Variants in PCDHGA2 observed in about 807,000 individuals in gnomAD.
PCDHGA2 encodes protocadherin gamma subfamily A, 2.
In PCDHGA2, 40 loss-of-function variants were observed where a neutral mutation model predicts 59.2. The observed-to-expected ratio is 0.68, with a 90% confidence interval of 0.52 to 0.88. The LOEUF is 0.88. Among genes scored for constraint, PCDHGA2 ranks in the 40% least tolerant of loss-of-function variants. The probability of loss-of-function intolerance (pLI) is 0.00; values close to 1 mark genes in which losing one functional copy is unlikely to be tolerated. For missense variants in PCDHGA2, 1,226 were observed against 1,204.0 expected (o/e 1.02, Z -0.27); for synonymous variants, 560 against 526.0 (o/e 1.06, Z -0.89).
rs1048686904 is a variant in PCDHGA2, at chr5:141,410,286, C to T, written c.2424+68891C>T. 3.7e-6 allele frequency: 6 copies of T among 1,613,916 alleles called. No homozygotes were observed. The African/African-American group carries it at 6.7e-5, about 18-fold the overall frequency. On this transcript the variant is annotated intron_variant, in intron 1 of 3. Transcript: ENST00000394576. Reference sequence around the variant, plus strand: ...GAACTGCAGTTTTACCTGGTGGTGGCCTTGGCCTTAATCTCAGTGCTCTTC... The same window carrying T: ...GAACTGCAGTTTTACCTGGTGGTGGTCTTGGCCTTAATCTCAGTGCTCTTC...
Position 141,431,359 on chromosome 5 carries a change from G to A in PCDHGA2, c.2425-63448G>A. 1 of 1,614,024 alleles carries A rather than the reference G, an allele frequency of 6.2e-7. No homozygotes were observed. The highest frequency in any genetic ancestry group is 8.5e-7 in the Non-Finnish European group (1 of 1,180,030). On this transcript the variant is annotated intron_variant, in intron 1 of 3. Transcript: ENST00000394576. This position sits in a 1 kb window ranked among gnomAD's most constrained non-coding sequence, Gnocchi z 4.8. ...CCGAATTGGTGCTGAAACGCGCCCTGGACCGCGAAGAAAAGGCTGCTCACC... is the reference window on the plus strand; with the variant it reads ...CCGAATTGGTGCTGAAACGCGCCCTAGACCGCGAAGAAAAGGCTGCTCACC...
intron 1 of PCDHGA2, among the ~76,000 whole-genome samples, chr5:141,347,877 T>C (rs1203882325): frequency 2.0e-5 from 3 of 152,196 alleles, no homozygotes; most frequent in Non-Finnish European, 2.9e-5. Flanking sequence ...TGTGTATTCA[T>C]TTTGATTTCA....
chr5:141,415,001 C>G (rs1326591845), intron 1 of PCDHGA2: 2 of 1,613,712 alleles, frequency 1.2e-6, no homozygotes, highest in Non-Finnish European at 1.7e-6. Context: ...GCCTGGCTGT[C>G]CTACCGTCTG....
At chr5:141,496,928 G>A (rs2099772685) in intron 2 of PCDHGA2, among the ~76,000 whole-genome samples, 1 of 151,334 alleles carries the variant, frequency 6.6e-6, no homozygotes, top group Non-Finnish European at 1.5e-5. Context: ...GTTCACGCCT[G>A]TAATCCCAGC....
At position 141,425,713 on chromosome 5, in the gene PCDHGA2, C is replaced by T. The variant is rs191037499; in HGVS notation, c.2425-69094C>T. 3.9e-4 allele frequency among the ~76,000 whole-genome samples: 60 copies of T among 152,312 alleles called. No homozygotes were observed. In the East Asian group the frequency reaches 6.7e-3, roughly 17 times the overall value. On this transcript the variant is annotated intron_variant, in intron 1 of 3. Transcript: ENST00000394576. ...CATTTCATAGTGGTCAAAATTTTCC[C>T]ATACCACTTGATGGGGATGTTTTCC...
rs771804151 is a variant in PCDHGA2, at chr5:141,486,704, A to G, written c.2425-8103A>G. On this transcript the variant is annotated intron_variant, in intron 1 of 3. Coordinates refer to ENST00000394576, the MANE Select transcript of PCDHGA2 (RefSeq NM_018915.4). The surrounding 1 kb of genome is among the most constrained non-coding windows in gnomAD (Gnocchi z 5.0). ...ATCAGCTTCCTCTTTCATCTCTCTG[A>G]ACCCCCAGACAGGAGCTGTTCATGC... 2.2e-5 allele frequency: 35 copies of G among 1,614,016 alleles called. No homozygotes were observed. Among genetic ancestry groups the G allele is most frequent in the Non-Finnish European group, 2.7e-5 (32 of 1,180,032 alleles).
At chr5:141,361,030 G>A in intron 1 of PCDHGA2, 1 of 1,613,328 alleles carries the variant, frequency 6.2e-7, no homozygotes, top group Non-Finnish European at 8.5e-7. Context: ...TGAAAAAACA[G>A]GAGAAATCAC....
At chr5:141,395,468 C>T (rs909198422) in intron 1 of PCDHGA2, 2 of 569,714 alleles carry the variant, frequency 3.5e-6, no homozygotes, top group African/African-American at 3.8e-5. Flanking sequence ...TTAAGCCTTC[C>T]AGTATTTTAT....
At chr5:141,357,102 CAG>C (rs1760470254) in intron 1 of PCDHGA2, 1 of 1,613,746 alleles carries the variant, frequency 6.2e-7, no homozygotes, top group Admixed American at 1.7e-5. Context: ...CCCTGCTGGA[CAG>C]AGACGCGCTC....
intron 1 of PCDHGA2, among the ~76,000 whole-genome samples, chr5:141,380,096 T>C (rs1180401530): frequency 3.3e-5 from 5 of 151,838 alleles, no homozygotes; most frequent in Non-Finnish European, 5.9e-5. Flanking sequence ...GATGGGGTTT[T>C]ACCATGATGG....
intron 1 of PCDHGA2, chr5:141,427,833 G>T (rs1345567011): frequency 6.5e-7 from 1 of 1,540,964 alleles, no homozygotes; most frequent in Non-Finnish European, 8.9e-7. Flanking sequence ...CGCGCAGCGT[G>T]CCTTCGACCA....
intron 1 of PCDHGA2, among the ~76,000 whole-genome samples, chr5:141,369,675 G>A: frequency 6.6e-6 from 1 of 152,152 alleles, no homozygotes; most frequent in East Asian, 1.9e-4. Context: ...AGAAGAAAGT[G>A]AAACATAGAA....
At chr5:141,379,462 A>G (rs1775613818) in intron 1 of PCDHGA2, 1 of 152,244 alleles carries the variant, frequency 6.6e-6, no homozygotes, top group African/African-American at 2.4e-5. Context: ...ATAAACTCTG[A>G]AAGTGTGAAT....
chr5:141,341,240 G>A lies in PCDHGA2; in HGVS notation c.2269G>A (p.Val757Ile), dbSNP rs1357109474. The A allele has an allele frequency of 6.2e-7, 1 of 1,614,088 alleles. No individual in the cohort carries two copies. The highest frequency in any genetic ancestry group is 2.2e-5 in the East Asian group (1 of 44,890). The stretch of plus-strand genomic sequence containing the variant: ...TTTCCTGCAGACCTATTCCCACGAG[G>A]TCTCCCTCACTGCGGACTCGCGGAA... ...RAFLQTYSHE[V>I]SLTADSRKSH... The change falls in exon 1 of 4, where the codon GTC becomes ATC. Residue 757 changes from valine to isoleucine, a missense_variant. Val to Ile is a conservative substitution (Grantham distance 29). Transcript: ENST00000394576.
intron 1 of PCDHGA2, among the ~76,000 whole-genome samples, chr5:141,401,910 T>A (rs562648950): frequency 2.1e-4 from 32 of 152,336 alleles, no homozygotes; most frequent in African/African-American, 5.3e-4. Flanking sequence ...AATTATTATA[T>A]AAGTTTAAGT....
At chr5:141,357,948 G>C (rs191828282) in intron 1 of PCDHGA2, among the ~76,000 whole-genome samples, 21 of 152,264 alleles carry the variant, frequency 1.4e-4, no homozygotes, top group African/African-American at 4.3e-4. Context: ...CTAACACTTT[G>C]GGAGTGTGAG....
chr5:141,443,317 C>CAAA (rs35054295), intron 1 of PCDHGA2, among the ~76,000 whole-genome samples: 8 of 142,020 alleles, frequency 5.6e-5, no homozygotes, highest in African/African-American at 2.1e-4. Context: ...CCCATCTCTA[C>CAAA]AAAAAAAAAA....
chr5:141,460,333 G>A (rs2098986532), intron 1 of PCDHGA2, among the ~76,000 whole-genome samples: 1 of 152,056 alleles, frequency 6.6e-6, no homozygotes, highest in African/African-American at 2.4e-5. Context: ...AACTTATGAT[G>A]ATTTTCTCCT....
chr5:141,406,079 T>C (rs570702423), intron 1 of PCDHGA2, among the ~76,000 whole-genome samples: 2 of 151,808 alleles, frequency 1.3e-5, no homozygotes, highest in South Asian at 2.1e-4. Context: ...CTCCTTTTTT[T>C]TTTTTTTTAA....
Sources: gnomAD v4.1 joint callset for allele counts (sites outside exome capture counted in the v4.1 genomes callset) on GRCh38, gnomAD v4.1.1 for gene constraint, Gnocchi (gnomAD v3.1) non-coding constraint, MANE v1.5 for transcripts, NCBI Gene and HGNC (gene_info 2026-07-23, HGNC 2026-07-21) for gene names.